Variants in CROCC observed in about 807,000 individuals in gnomAD.
CROCC encodes ciliary rootlet coiled-coil, rootletin.
CROCC carries 180 observed loss-of-function variants against 245.2 expected under a neutral mutation model. The ratio of observed to expected loss-of-function variants is 0.73; its 90% CI spans 0.65 to 0.83. The LOEUF (loss-of-function observed/expected upper bound fraction) is 0.83. Among genes scored for constraint, CROCC ranks in the 40% least tolerant of loss-of-function variants. The pLI, the probability that CROCC is intolerant of heterozygous loss-of-function variation, is 0.00. For missense variants in CROCC, 2,688 were observed against 2,779.4 expected (o/e 0.97, Z 0.74); for synonymous variants, 1,205 against 1,241.6 (o/e 0.97, Z 0.62).
chr1:16,925,380 A>C (rs1337847333), intron 3 of CROCC, among the ~76,000 whole-genome samples: 1 of 152,268 alleles, frequency 6.6e-6, no homozygotes, highest in Admixed American at 6.5e-5. Flanking sequence ...AGGCTCAGGG[A>C]GGGGAAGCAC....
At chr1:16,969,363 G>C (rs899725576) in intron 32 of CROCC, 23 bp downstream of exon 32, 1 of 1,596,188 alleles carries the variant, frequency 6.3e-7, no homozygotes, top group Non-Finnish European at 8.5e-7. Context: ...GGGTCTGGCT[G>C]GGGTGGGCCC....
At chr1:16,964,096 G>A (rs552117386) in intron 27 of CROCC, among the ~76,000 whole-genome samples, 11 of 151,138 alleles carry the variant, frequency 7.3e-5, no homozygotes, top group East Asian at 2.0e-4. Context: ...CCACCGTGCC[G>A]GGCCCACTTT....
In CROCC at chr1:16,955,979, G is replaced by T; in HGVS notation, c.3705-18G>T. On this transcript the variant is annotated intron_variant, in intron 24 of 36. Transcript: ENST00000375541. The stretch of plus-strand genomic sequence containing the variant: ...ACTCCCAGGACCCAGGGCAGCCCCT[G>T]ACCTCTGCCCTCTCCAGCCTGAAGC... 6.5e-7 allele frequency: 1 copy of T among 1,549,294 alleles called. No individual in the cohort carries two copies. Among genetic ancestry groups the T allele is most frequent in the South Asian group, 1.2e-5 (1 of 83,986 alleles).
In CROCC at chr1:16,970,306, G is replaced by T; in HGVS notation, c.5505G>T (p.Lys1835Asn). Reference sequence around the variant, plus strand: ...CTGCAGCCCTGAACACCGTCCAGAAGCTGCAAGACGAGCGGCGGCTGCTGC... The same window carrying T: ...CTGCAGCCCTGAACACCGTCCAGAATCTGCAAGACGAGCGGCGGCTGCTGC... ...GEAAALNTVQ[K>N]LQDERRLLQE... is the part of the protein sequence containing the mutation. Residue 1835 changes from lysine (K) to asparagine (N), a missense_variant, in exon 34 of 37, where the codon AAG becomes AAT. This residue lies in a region of CROCC where 1,218 missense variants were observed against 1,286.3 expected (regional missense o/e 0.95). Transcript: ENST00000375541. The T allele has an allele frequency of 6.3e-7, 1 of 1,586,056 alleles. No individual in the cohort carries two copies. Among genetic ancestry groups the T allele is most frequent in the Non-Finnish European group, 8.6e-7 (1 of 1,167,378 alleles).
intron 3 of CROCC, among the ~76,000 whole-genome samples, chr1:16,926,651 G>A (rs2075540867): frequency 6.6e-6 from 1 of 152,254 alleles, no homozygotes; most frequent in South Asian, 2.1e-4. Flanking sequence ...AGGACCTCAG[G>A]GCCCCCATGG....
In CROCC at chr1:16,937,498, G is replaced by C. The variant is rs1358071893; in HGVS notation, c.1194-143G>C. 7.3e-6 allele frequency: 5 copies of C among 683,314 alleles called. No individual in the cohort carries two copies. The East Asian group carries it at 1.4e-4, about 19-fold the overall frequency. The allele number at this position is 683,314 out of a possible 1,614,324, so 42.3% of individuals were successfully genotyped here. ...AAATGTGAGATCTGGAGAGGAGCCG[G>C]GACTTGTCTGAGGTCACACAGCCAG... is the stretch of plus-strand genomic sequence containing the variant. On this transcript the variant is annotated intron_variant, in intron 9 of 36. Transcript: ENST00000375541.
chr1:16,969,266 A>G lies in CROCC; in HGVS notation c.5227A>G (p.Asn1743Asp). ...EALAQSSASL[N>D]STRDKNLHLQ... ...CCTGGCCCAGAGCAGTGCCAGCCTC[A>G]ACAGCACCCGGGACAAGAACCTGCA... The change falls in exon 32 of 37, where the codon AAC (asparagine) becomes GAC (aspartate). Residue 1743 changes from asparagine to aspartate, a missense_variant. Asn to Asp is a conservative substitution (Grantham distance 23). Coordinates refer to ENST00000375541, the MANE Select transcript of CROCC (RefSeq NM_014675.5). The G allele has an allele frequency of 1.2e-6, 2 of 1,613,464 alleles. No homozygotes were observed. The highest frequency in any genetic ancestry group is 1.8e-4 in the Middle Eastern group (1 of 5,696).
rs1251439949 is a variant in CROCC, at chr1:16,972,524, G to C, written c.*78G>C. ...TTCTTTTGGACAGCCCCCCCACCCA[G>C]AGCCCGGTCCCTTGGGGGCCTCAAG... On this transcript the variant is annotated 3_prime_UTR_variant, in exon 37 of 37. Transcript: ENST00000375541. The C allele has an allele frequency of 3.4e-6, 3 of 891,046 alleles. No homozygotes were observed. Among genetic ancestry groups the C allele is most frequent in the African/African-American group, 3.9e-5 (2 of 50,754 alleles). 55.2% of individuals were successfully genotyped at this position (891,046 alleles called of 1,614,324 possible). A position where few individuals can be genotyped will look rare whatever the true frequency, so the allele number is the denominator to read the frequency against.
intron 13 of CROCC, among the ~76,000 whole-genome samples, chr1:16,943,275 T>C (rs1174254614): frequency 4.1e-5 from 6 of 145,722 alleles, no homozygotes; most frequent in Non-Finnish European, 9.0e-5. Flanking sequence ...CATTGGCTCA[T>C]GCCTGTAATC....
intron 23 of CROCC, 67 bp from the exon 24 acceptor site, chr1:16,955,245 G>A (rs2076229912): frequency 6.7e-6 from 10 of 1,498,974 alleles, no homozygotes; most frequent in African/African-American, 1.4e-5. Context: ...AGGGATCTGG[G>A]GTACAAGACC....
chr1:16,919,768 CAG>C (rs1208726689), upstream of CROCC, among the ~76,000 whole-genome samples: 22 of 152,248 alleles, frequency 1.4e-4, no homozygotes, highest in African/African-American at 4.8e-4. Context: ...TTTGGTAGGA[CAG>C]AGTCTCGCTA....
chr1:16,924,450 G>A lies in CROCC; in HGVS notation c.322G>A (p.Ala108Thr), dbSNP rs141994710. Residue 108 changes from alanine to threonine, a missense_variant, in exon 3 of 37, where the codon GCC (alanine) becomes ACC (threonine). This residue lies in a region of CROCC where 972 missense variants were observed against 895.3 expected (regional missense o/e 1.09). Coordinates refer to ENST00000375541, the MANE Select transcript of CROCC (RefSeq NM_014675.5). ...GAGCCGTGCCGAGCGCGATGAGCTC[G>A]CCATTAAGTACAATGCGGTCAGCGA... ...AQSRAERDEL[A>T]IKYNAVSERL... is the part of the protein sequence containing the mutation. 8.2e-4 allele frequency: 1,319 copies of A among 1,612,396 alleles called. No homozygotes were observed. The African/African-American group carries it at 9.2e-3, about 11-fold the overall frequency.
chr1:16,943,797 C>T (rs1359347176), intron 13 of CROCC, among the ~76,000 whole-genome samples: 3 of 152,274 alleles, frequency 2.0e-5, no homozygotes, highest in Admixed American at 2.0e-4. Flanking sequence ...GCTGGTGGCA[C>T]AATTGCCGTG....
At chr1:16,933,845 C>G (rs746104729) in intron 8 of CROCC, among the ~76,000 whole-genome samples, 1 of 152,300 alleles carries the variant, frequency 6.6e-6, no homozygotes, top group Non-Finnish European at 1.5e-5. Flanking sequence ...AGGCCCAAGC[C>G]ACTGTGCCCG....
intron 2 of CROCC, among the ~76,000 whole-genome samples, chr1:16,923,157 C>A (rs1159527215): frequency 2.0e-5 from 3 of 152,260 alleles, no homozygotes; most frequent in Non-Finnish European, 4.4e-5. Flanking sequence ...CAGGGTTTTG[C>A]GGAAGTCTGA....
chr1:16,933,693 G>A (rs1378825411), intron 8 of CROCC, among the ~76,000 whole-genome samples: 5 of 152,220 alleles, frequency 3.3e-5, no homozygotes, highest in Non-Finnish European at 5.9e-5. Flanking sequence ...AGCCCCCTGC[G>A]TAGCTGGGAT....
chr1:16,949,062 A>ACTTAGAT (rs376158118), intron 19 of CROCC, 136 bp downstream of exon 19: 20,034 of 1,135,702 alleles, frequency 0.018, 56 homozygotes, highest in South Asian at 0.042. Flanking sequence ...CTGTGCCACC[A>ACTTAGAT]CTTAGATCTC....
In CROCC at chr1:16,965,890, C is replaced by T; in HGVS notation, c.4573C>T (p.Arg1525Trp). ...AGAGCTGCGGAGTGCCCAGAGAGAA[C>T]GGGTAAGCCTGGGTGTGCATGGCTG... is the stretch of plus-strand genomic sequence containing the variant. ...LQELRSAQRE[R>W]DELRTQTSAL... Residue 1525 changes from arginine to tryptophan, a missense_variant and splice_region_variant, in exon 28 of 37, where the codon CGG (arginine) becomes TGG (tryptophan). Physicochemically the swap from Arg to Trp is moderately radical, Grantham distance 101. This residue lies in a region of CROCC where 1,218 missense variants were observed against 1,286.3 expected (regional missense o/e 0.95). Transcript: ENST00000375541. 1.9e-6 allele frequency: 3 copies of T among 1,612,800 alleles called. No individual in the cohort carries two copies. Among genetic ancestry groups the T allele is most frequent in the Middle Eastern group, 1.7e-4 (1 of 6,054 alleles).
chr1:16,928,467 G>A (rs1319142996), intron 3 of CROCC, among the ~76,000 whole-genome samples: 2 of 152,232 alleles, frequency 1.3e-5, no homozygotes, highest in African/African-American at 4.8e-5. Flanking sequence ...CAGCAACAGA[G>A]GCTTTCCTGC....
Sources: allele counts gnomAD v4.1 joint callset (sites outside exome capture counted in the v4.1 genomes callset), GRCh38; gene constraint gnomAD v4.1.1; regional missense constraint gnomAD v4.1.1; transcripts MANE v1.5; gene names NCBI Gene and HGNC (gene_info 2026-07-23, HGNC 2026-07-21).